CNTN5: variants seen among roughly 807,000 people sequenced by gnomAD.
CNTN5 encodes contactin-5.
In CNTN5, 77 loss-of-function variants were observed where a neutral mutation model predicts 129.1. The observed-to-expected ratio is 0.60, with a 90% CI of 0.50 to 0.72. The LOEUF (loss-of-function observed/expected upper bound fraction) is 0.72, where lower values mean the gene tolerates loss of function less well. Ranked by LOEUF, CNTN5 falls within the 30% of genes least tolerant of loss-of-function variation. CNTN5 has a pLI of 0.00. For synonymous variants in CNTN5, 509 were observed against 465.6 expected (o/e 1.09, Z -1.20); for missense variants, 1,478 against 1,328.8 (o/e 1.11, Z -1.75).
intron 17 of CNTN5, among the ~76,000 whole-genome samples, chr11:100,267,210 A>G (rs1268401151): frequency 6.6e-6 from 1 of 151,228 alleles, no homozygotes; most frequent in Non-Finnish European, 1.5e-5. Flanking sequence ...AGAGGTTGGG[A>G]GTTCCAACAT....
At chr11:99,803,715 C>T (rs764962662) in intron 3 of CNTN5, among the ~76,000 whole-genome samples, 3 of 152,164 alleles carry the variant, frequency 2.0e-5, no homozygotes, top group Non-Finnish European at 4.4e-5. Flanking sequence ...TCCTGGGTTT[C>T]TTGGATTCCA....
At chr11:99,213,523 G>C (rs1859953309) in intron 1 of CNTN5, among the ~76,000 whole-genome samples, 1 of 148,736 alleles carries the variant, frequency 6.7e-6, no homozygotes. Flanking sequence ...CTGAGGGTTG[G>C]CTCTTTCCTC....
rs555309998 is a variant in CNTN5 at position 99,307,680 on chromosome 11, T to C, written c.-209-17666T>C. 3.3e-5 allele frequency among the ~76,000 whole-genome samples: 5 copies of C among 152,270 alleles called. No individual in the cohort carries two copies. In the East Asian group the frequency reaches 7.7e-4, roughly 24 times the overall value. The stretch of plus-strand genomic sequence containing the variant: ...TCTTGACAAGCTATATTTTTTCTAA[T>C]ATTGATCTTGATGACCAAGCTGGTG... On this transcript the variant is annotated intron_variant, in intron 1 of 24. Coordinates refer to ENST00000524871, the MANE Select transcript of CNTN5 (RefSeq NM_014361.4).
chr11:99,115,375 T>C (rs934183000), intron 1 of CNTN5, among the ~76,000 whole-genome samples: 5 of 152,202 alleles, frequency 3.3e-5, no homozygotes, highest in Admixed American at 1.3e-4. Flanking sequence ...GCTTATAATA[T>C]CTTACATATA....
Position 99,227,410 on chromosome 11 carries a change from C to T in CNTN5, c.-209-97936C>T, listed in dbSNP as rs527567080. Among the ~76,000 whole-genome samples, 3 of 151,192 alleles carry T rather than the reference C, an allele frequency of 2.0e-5. No individual in the cohort carries two copies. The East Asian group carries it at 5.8e-4, about 29-fold the overall frequency. ...ATGATAAGCCTAATAAAATTGTTTG[C>T]ACTATATGGCCTCAATTTATCGTGT... On this transcript the variant is annotated intron_variant, in intron 1 of 24. Transcript: ENST00000524871.
intron 1 of CNTN5, among the ~76,000 whole-genome samples, chr11:99,217,238 A>G (rs754585422): frequency 3.4e-5 from 5 of 147,202 alleles, no homozygotes; most frequent in Admixed American, 6.9e-5. Flanking sequence ...TAGGAAAAAA[A>G]CAAATAATAT....
chr11:99,519,203 C>CTTA (rs1565253891), intron 2 of CNTN5, among the ~76,000 whole-genome samples: 11 of 152,078 alleles, frequency 7.2e-5, no homozygotes, highest in African/African-American at 2.4e-4. Context: ...CCTTTTATTG[C>CTTA]TTTTTTACTT....
At chr11:99,827,639 G>T (rs1463500629) in intron 4 of CNTN5, among the ~76,000 whole-genome samples, 1 of 152,176 alleles carries the variant, frequency 6.6e-6, no homozygotes, top group African/African-American at 2.4e-5. Flanking sequence ...CATTTTCATA[G>T]AGACAAAGTG....
chr11:99,195,178 T>A (rs1239909188), intron 1 of CNTN5, among the ~76,000 whole-genome samples: 1 of 152,222 alleles, frequency 6.6e-6, no homozygotes, highest in African/African-American at 2.4e-5. Context: ...TGATTATTTT[T>A]AACTTATTCC....
At chr11:99,918,254 C>G (rs934228693) in intron 7 of CNTN5, among the ~76,000 whole-genome samples, 2 of 152,062 alleles carry the variant, frequency 1.3e-5, no homozygotes, top group Admixed American at 1.3e-4. Context: ...TTGCAAAACC[C>G]TAATCACAAT....
intron 1 of CNTN5, among the ~76,000 whole-genome samples, chr11:99,239,722 T>G (rs1389283804): frequency 6.6e-6 from 1 of 151,470 alleles, no homozygotes; most frequent in Non-Finnish European, 1.5e-5. Flanking sequence ...GATCACGAGG[T>G]CAGCAGATCG....
At chr11:100,045,360 G>T (rs1469100823) in intron 9 of CNTN5, among the ~76,000 whole-genome samples, 3 of 151,772 alleles carry the variant, frequency 2.0e-5, no homozygotes, top group Non-Finnish European at 2.9e-5. Context: ...AATAATTAGG[G>T]GCCAACTATA....
At chr11:99,394,238 T>C (rs1298999861) in intron 2 of CNTN5, among the ~76,000 whole-genome samples, 2 of 151,666 alleles carry the variant, frequency 1.3e-5, no homozygotes, top group African/African-American at 4.8e-5. Flanking sequence ...AAGGGAAAAT[T>C]TGGTTAGAAA....
At chr11:99,331,532 AAAAG>A (rs1274721608) in intron 2 of CNTN5, among the ~76,000 whole-genome samples, 1 of 152,116 alleles carries the variant, frequency 6.6e-6, no homozygotes, top group Admixed American at 6.6e-5. Context: ...AAATAAATGA[AAAAG>A]AAAACACAAT....
At chr11:99,084,837 AT>A (rs1865937154) in intron 1 of CNTN5, among the ~76,000 whole-genome samples, 1 of 152,174 alleles carries the variant, frequency 6.6e-6, no homozygotes, top group Admixed American at 6.5e-5. Context: ...ATTTGCCAAA[AT>A]ATTTTCAAAT....
rs369724937 is a variant in CNTN5, at chr11:100,043,654, T to C, written c.981-17558T>C. ...ATACTGTTCTGTGTGTTCATGTACA[T>C]GGATTTTCCTGCCAGGAACATTTTT... On this transcript the variant is annotated intron_variant, in intron 9 of 24. Transcript: ENST00000524871. Among the ~76,000 whole-genome samples, 58 of 152,282 alleles carry C rather than the reference T, an allele frequency of 3.8e-4. 1 individual carries two copies. The South Asian group carries it at 0.012, about 30-fold the overall frequency.
At chr11:99,426,568 C>T (rs1943130376) in intron 2 of CNTN5, among the ~76,000 whole-genome samples, 1 of 152,112 alleles carries the variant, frequency 6.6e-6, no homozygotes. Flanking sequence ...TTAAAGCTGC[C>T]AGAAAACTTC....
At chr11:99,705,129 G>A (rs1954698919) in intron 3 of CNTN5, among the ~76,000 whole-genome samples, 1 of 151,370 alleles carries the variant, frequency 6.6e-6, no homozygotes, top group African/African-American at 2.4e-5. Context: ...ACCCAGAAGT[G>A]TATACGAATC....
At chr11:99,920,940 G>A (rs1439836950) in intron 7 of CNTN5, among the ~76,000 whole-genome samples, 1 of 152,082 alleles carries the variant, frequency 6.6e-6, no homozygotes, top group Non-Finnish European at 1.5e-5. Context: ...GGCCTTGAGG[G>A]TTGGGCCTTT....
Sources: gnomAD v4.1 joint callset for allele counts (sites outside exome capture counted in the v4.1 genomes callset) on GRCh38, gnomAD v4.1.1 for gene constraint, MANE v1.5 for transcripts, NCBI Gene and HGNC (gene_info 2026-07-23, HGNC 2026-07-21) for gene names.